Variants in DGKD observed in about 807,000 individuals in gnomAD.
DGKD encodes diacylglycerol kinase delta.
Under a neutral mutation model 154.4 loss-of-function variants are expected in DGKD, and 68 were observed. The ratio of observed to expected loss-of-function variants is 0.44; its 90% CI spans 0.36 to 0.54. The LOEUF (loss-of-function observed/expected upper bound fraction) is 0.54. Among genes scored for constraint, DGKD ranks in the 20% least tolerant of loss-of-function variants. The pLI is 0.00. For synonymous variants in DGKD, 693 were observed against 638.0 expected (o/e 1.09, Z -1.30); for missense variants, 1,343 against 1,593.6 (o/e 0.84, Z 2.68).
chr2:233,364,189 A>C (rs1701920201), intron 1 of DGKD, among the ~76,000 whole-genome samples: 1 of 152,256 alleles, frequency 6.6e-6, no homozygotes, highest in Non-Finnish European at 1.5e-5. Flanking sequence ...AAAGAAAGTT[A>C]CTGTGAACCC....
intron 1 of DGKD, among the ~76,000 whole-genome samples, chr2:233,358,329 T>A (rs1370086672): frequency 1.3e-5 from 2 of 152,266 alleles, no homozygotes; most frequent in Non-Finnish European, 2.9e-5. Flanking sequence ...TTTTTGGATA[T>A]GAGCATGAAA....
chr2:233,411,050 T>C (rs2061816587), intron 3 of DGKD, among the ~76,000 whole-genome samples: 1 of 152,356 alleles, frequency 6.6e-6, no homozygotes. Context: ...ATGTTACGAA[T>C]ATCAGTAGTC....
chr2:233,413,455 G>T (rs767122907), intron 3 of DGKD, among the ~76,000 whole-genome samples: 1 of 151,526 alleles, frequency 6.6e-6, no homozygotes, highest in African/African-American at 2.4e-5. Context: ...GACATTTTCT[G>T]CATTCTCTTC....
chr2:233,360,066 A>T (rs1318825170), intron 1 of DGKD, among the ~76,000 whole-genome samples: 1 of 152,102 alleles, frequency 6.6e-6, no homozygotes, highest in South Asian at 2.1e-4. Context: ...CAGTCTGCTA[A>T]TAAGATGATG....
At chr2:233,412,341 T>C (rs1028183917) in intron 3 of DGKD, among the ~76,000 whole-genome samples, 4 of 152,206 alleles carry the variant, frequency 2.6e-5, no homozygotes, top group African/African-American at 9.6e-5. Flanking sequence ...TTAACGTCTT[T>C]TGTTAGATTC....
At chr2:233,455,025 C>A in intron 19 of DGKD, 152 bp downstream of exon 19, 1 of 571,622 alleles carries the variant, frequency 1.7e-6, no homozygotes, top group Non-Finnish European at 3.1e-6. Context: ...TTGTCAGAAG[C>A]ACGGGTGCTT....
intron 1 of DGKD, among the ~76,000 whole-genome samples, chr2:233,367,434 G>A (rs572399394): frequency 1.3e-5 from 2 of 152,090 alleles, no homozygotes; most frequent in South Asian, 2.1e-4. Context: ...TCACCATGTT[G>A]GCCAGGCTGG....
At chr2:233,453,057 G>A (rs919851828) in intron 18 of DGKD, among the ~76,000 whole-genome samples, 1 of 152,204 alleles carries the variant, frequency 6.6e-6, no homozygotes, top group African/African-American at 2.4e-5. Flanking sequence ...GGCCAGAGCT[G>A]TAGTCCTATA....
rs756126178 is a variant in DGKD, at chr2:233,390,454, A to G, written c.319A>G (p.Ser107Gly). The G allele has an allele frequency of 1.9e-6, 3 of 1,614,170 alleles. No homozygotes were observed. Among genetic ancestry groups the G allele is most frequent in the South Asian group, 1.1e-5 (1 of 91,064 alleles). ...DLTDASVAES[S>G]TKNVNNSFTV... ...GACAGATGCCAGCGTAGCTGAATCC[A>G]GTACCAAAAACGTCAACAACAGTTT... The change falls in exon 3 of 30, where the codon AGT (serine) becomes GGT (glycine). Residue 107 changes from serine to glycine, a missense_variant. Ser to Gly is a moderately conservative substitution (Grantham distance 56). Coordinates refer to ENST00000264057, the MANE Select transcript of DGKD (RefSeq NM_152879.3).
At chr2:233,379,795 T>A (rs566363772) in intron 1 of DGKD, 11 of 152,294 alleles carry the variant, frequency 7.2e-5, no homozygotes, top group South Asian at 6.2e-4. Context: ...TTTACTTTTT[T>A]ATTTTATTTT....
At chr2:233,365,430 A>AGCGG in intron 1 of DGKD, among the ~76,000 whole-genome samples, 1 of 151,936 alleles carries the variant, frequency 6.6e-6, no homozygotes, top group East Asian at 1.9e-4. Flanking sequence ...ATAGAGATGG[A>AGCGG]GGGGGGGTCT....
intron 27 of DGKD, 48 bp downstream of exon 27, chr2:233,464,331 C>A: frequency 1.2e-6 from 2 of 1,604,310 alleles, no homozygotes; most frequent in Non-Finnish European, 1.7e-6. Context: ...CATGGTGGCT[C>A]TCGCCTGAAG....
chr2:233,435,236 T>C (rs551519775), intron 5 of DGKD, among the ~76,000 whole-genome samples: 1 of 152,206 alleles, frequency 6.6e-6, no homozygotes, highest in East Asian at 1.9e-4. Context: ...GGGCTGTGCA[T>C]ATATGGACTG....
At chr2:233,435,768 G>A in intron 5 of DGKD, 50 bp from the exon 6 acceptor site, 2 of 1,554,552 alleles carry the variant, frequency 1.3e-6, no homozygotes, top group Non-Finnish European at 1.7e-6. Context: ...AGCATGGGAA[G>A]CTCTTGGCAC....
At chr2:233,395,015 T>C (rs13403632) in intron 3 of DGKD, among the ~76,000 whole-genome samples, 2,279 of 152,338 alleles carry the variant, frequency 0.015, 53 homozygotes, top group African/African-American at 0.052. Flanking sequence ...ATTTAATTCT[T>C]GTAAACAGTA....
intron 1 of DGKD, among the ~76,000 whole-genome samples, chr2:233,366,778 C>T (rs1266402096): frequency 6.6e-6 from 1 of 151,870 alleles, no homozygotes; most frequent in Non-Finnish European, 1.5e-5. Context: ...GGGTCAGGGC[C>T]CGATTGGATG....
chr2:233,427,138 C>G (rs2062332170), intron 3 of DGKD, among the ~76,000 whole-genome samples: 1 of 152,072 alleles, frequency 6.6e-6, no homozygotes. Context: ...ATCCACTCCT[C>G]CTCTGTGACA....
At position 233,441,289 on chromosome 2, in the gene DGKD, G is replaced by C. The variant is rs1036749200; in HGVS notation, c.1086-598G>C. ...GCGTGGGTCACATCACCGGAGGACTGAGTGGGCCCAGGCATATGTGCTGCA... is the reference window on the plus strand; with the variant it reads ...GCGTGGGTCACATCACCGGAGGACTCAGTGGGCCCAGGCATATGTGCTGCA... On this transcript the variant is annotated intron_variant, in intron 9 of 29. Coordinates refer to ENST00000264057, the MANE Select transcript of DGKD (RefSeq NM_152879.3). This position sits in a 1 kb window ranked among gnomAD's most constrained non-coding sequence, Gnocchi z 5.6. Among the ~76,000 whole-genome samples the C allele has an allele frequency of 6.6e-6, 1 of 152,130 alleles. No individual in the cohort carries two copies. Among genetic ancestry groups the C allele is most frequent in the African/African-American group, 2.4e-5 (1 of 41,430 alleles).
intron 3 of DGKD, among the ~76,000 whole-genome samples, chr2:233,411,149 A>G (rs2061819820): frequency 6.6e-6 from 1 of 152,210 alleles, no homozygotes; most frequent in Non-Finnish European, 1.5e-5. Context: ...AAAACTATGA[A>G]CATTTGTATA....
Sources: gnomAD v4.1 joint callset for allele counts (sites outside exome capture counted in the v4.1 genomes callset) on GRCh38, gnomAD v4.1.1 for gene constraint, Gnocchi (gnomAD v3.1) non-coding constraint, MANE v1.5 for transcripts, NCBI Gene and HGNC (gene_info 2026-07-23, HGNC 2026-07-21) for gene names.